TBCK: variants seen among roughly 807,000 people sequenced by gnomAD.
TBCK encodes the protein TBC1 domain containing kinase, also known as TBC domain-containing protein kinase-like protein.
Under a neutral mutation model 113.4 loss-of-function variants are expected in TBCK, and 99 were observed. That is an observed-to-expected ratio of 0.87 (90% CI 0.74 to 1.03). The LOEUF is 1.03. TBCK is among the 50% of genes least tolerant of loss of function. TBCK has a pLI of 0.00. For missense variants in TBCK, 1,045 were observed against 1,061.3 expected (o/e 0.98, Z 0.21); for synonymous variants, 369 against 370.8 (o/e 1.00, Z 0.05).
At chr4:106,142,201 T>C (rs1401076438) in intron 23 of TBCK, among the ~76,000 whole-genome samples, 3 of 96,758 alleles carry the variant, frequency 3.1e-5, no homozygotes, top group African/African-American at 6.2e-5. Context: ...GTAGGATATC[T>C]AAACAATAAT....
intron 20 of TBCK, among the ~76,000 whole-genome samples, chr4:106,205,587 C>CAAAAAAAA (rs70941240): frequency 1.7e-4 from 11 of 64,212 alleles, no homozygotes; most frequent in East Asian, 5.4e-4. Context: ...ACTAAAAATA[C>CAAAAAAAA]AAAAAAAAAA....
intron 25 of TBCK, among the ~76,000 whole-genome samples, chr4:106,051,560 C>T (rs1398242613): frequency 6.6e-6 from 1 of 151,750 alleles, no homozygotes; most frequent in African/African-American, 2.4e-5. Context: ...ATCTTATGGA[C>T]GTGAGGCAGA....
chr4:106,180,455 A>G (rs889133914), intron 22 of TBCK, among the ~76,000 whole-genome samples: 5 of 151,908 alleles, frequency 3.3e-5, no homozygotes, highest in African/African-American at 7.3e-5. Context: ...TTACACAGGT[A>G]TACATGTGCC....
intron 24 of TBCK, among the ~76,000 whole-genome samples, chr4:106,110,992 T>TA (rs34101966): frequency 0.37 from 54,604 of 147,314 alleles, 10,271 homozygotes; most frequent in African/African-American, 0.48. Flanking sequence ...TATAAAGAGC[T>TA]AAAAAAAAAA....
intron 14 of TBCK, 86 bp downstream of exon 14, chr4:106,236,304 C>T (rs1759448314): frequency 6.9e-6 from 7 of 1,017,162 alleles, no homozygotes; most frequent in South Asian, 4.2e-5. Context: ...CTTCTTATTA[C>T]TCAAGATTCC....
chr4:106,122,470 T>A (rs1406021362), intron 23 of TBCK, among the ~76,000 whole-genome samples: 2 of 152,096 alleles, frequency 1.3e-5, no homozygotes, highest in African/African-American at 4.8e-5. Context: ...GTACCATTCC[T>A]TCTGAAACTA....
At chr4:106,222,204 C>T (rs1012682790) in intron 19 of TBCK, among the ~76,000 whole-genome samples, 1 of 151,686 alleles carries the variant, frequency 6.6e-6, no homozygotes, top group Non-Finnish European at 1.5e-5. Context: ...ATTTGTAAAA[C>T]CTTATAACTT....
At chr4:106,089,715 G>A (rs899069589) in intron 25 of TBCK, among the ~76,000 whole-genome samples, 3 of 152,136 alleles carry the variant, frequency 2.0e-5, no homozygotes, top group African/African-American at 4.8e-5. Flanking sequence ...GAGGCAATAC[G>A]CCCACACAAG....
At chr4:106,294,343 C>T (rs553715347) in intron 3 of TBCK, among the ~76,000 whole-genome samples, 2 of 152,118 alleles carry the variant, frequency 1.3e-5, no homozygotes, top group East Asian at 3.9e-4. Flanking sequence ...GCACGCACCA[C>T]CATGCCCACT....
intron 23 of TBCK, among the ~76,000 whole-genome samples, chr4:106,133,534 C>T (rs1173025672): frequency 6.6e-6 from 1 of 152,082 alleles, no homozygotes; most frequent in Non-Finnish European, 1.5e-5. Flanking sequence ...GCATTCAAGG[C>T]TGGAAAACAC....
chr4:106,252,508 C>T (rs1412664587), intron 5 of TBCK, among the ~76,000 whole-genome samples: 1 of 152,038 alleles, frequency 6.6e-6, no homozygotes, highest in African/African-American at 2.4e-5. Flanking sequence ...ATCACCTCTG[C>T]CCCACATGGT....
chr4:106,295,254 T>G, intron 2 of TBCK, 88 bp from the exon 3 acceptor site: 1 of 1,052,878 alleles, frequency 9.5e-7, no homozygotes. Flanking sequence ...GATATTAATA[T>G]ATAACACCCA....
At chr4:106,239,631 G>C (rs1472532368) in intron 12 of TBCK, among the ~76,000 whole-genome samples, 1 of 152,030 alleles carries the variant, frequency 6.6e-6, no homozygotes, top group African/African-American at 2.4e-5. Context: ...CAGGCAGTGG[G>C]AAGAGCAAGT....
chr4:106,161,344 G>T (rs558146977), intron 23 of TBCK, among the ~76,000 whole-genome samples: 1 of 152,036 alleles, frequency 6.6e-6, no homozygotes, highest in Non-Finnish European at 1.5e-5. Context: ...TAGAATTCAC[G>T]GAGAACAAGC....
At position 106,055,575 on chromosome 4, in the gene TBCK, CAT is replaced by C. The variant is rs901439166; in HGVS notation, c.2572-8897_2572-8896del. ...ATACACACACACACACACACACACA[CAT>C]ATATATAATTTTTTTTCTTCTAACA... On this transcript the variant is annotated intron_variant, in intron 25 of 25. Coordinates refer to ENST00000394708, the MANE Select transcript of TBCK (RefSeq NM_001163435.3). Among the ~76,000 whole-genome samples, 106 of 135,150 alleles carry C rather than the reference CAT, an allele frequency of 7.8e-4. 1 individual carries two copies. The highest frequency in any genetic ancestry group is 5.5e-4 in the Non-Finnish European group (34 of 61,444). 88.7% of individuals were successfully genotyped at this position (135,150 alleles called of 152,430 possible).
intron 19 of TBCK, among the ~76,000 whole-genome samples, chr4:106,224,945 ACTT>A (rs1194925761): frequency 6.6e-6 from 1 of 152,064 alleles, no homozygotes; most frequent in Non-Finnish European, 1.5e-5. Flanking sequence ...AACCCCCTAA[ACTT>A]CTTGCTCTGT....
At chr4:106,224,155 A>G (rs1381997248) in intron 19 of TBCK, among the ~76,000 whole-genome samples, 2 of 152,194 alleles carry the variant, frequency 1.3e-5, no homozygotes, top group East Asian at 3.9e-4. Context: ...AAGTCAATAG[A>G]ACTAAGTTTA....
At chr4:106,077,803 T>G (rs1393483502) in intron 25 of TBCK, among the ~76,000 whole-genome samples, 2 of 152,146 alleles carry the variant, frequency 1.3e-5, no homozygotes, top group Non-Finnish European at 2.9e-5. Context: ...CTTGACCAAT[T>G]AGACCTAATA....
In TBCK at chr4:106,080,680, T is replaced by A. The variant is rs570410276; in HGVS notation, c.2571+14802A>T. Among the ~76,000 whole-genome samples the A allele has an allele frequency of 2.0e-3, 311 of 152,256 alleles. 2 individuals are homozygous for A. The highest frequency in any genetic ancestry group is 7.5e-4 in the Non-Finnish European group (51 of 68,000). On this transcript the variant is annotated intron_variant, in intron 25 of 25. Coordinates refer to ENST00000394708, the MANE Select transcript of TBCK (RefSeq NM_001163435.3). ...CAAAAATTGACAAATGGGACCTAAT[T>A]AAACTGAAGAGCTTCTGCACAACCA...
Sources: allele counts gnomAD v4.1 joint callset (sites outside exome capture counted in the v4.1 genomes callset), GRCh38; gene constraint gnomAD v4.1.1; transcripts MANE v1.5; gene names NCBI Gene and HGNC (gene_info 2026-07-23, HGNC 2026-07-21).